The following TTLL5 variants were observed in gnomAD, a reference collection of about 807,000 sequenced individuals.
TTLL5 encodes the protein tubulin polyglutamylase TTLL5.
In TTLL5, 132 loss-of-function variants were observed where a neutral mutation model predicts 168.4. The observed-to-expected ratio is 0.78, with a 90% CI of 0.68 to 0.91. The LOEUF (loss-of-function observed/expected upper bound fraction) is 0.91. Among genes scored for constraint, TTLL5 ranks in the 40% least tolerant of loss-of-function variants. The pLI, the probability that TTLL5 is intolerant of heterozygous loss-of-function variation, is 0.00. For missense variants in TTLL5, 1,545 were observed against 1,581.5 expected (o/e 0.98, Z 0.39); for synonymous variants, 546 against 558.6 (o/e 0.98, Z 0.32).
intron 5 of TTLL5, chr14:75,685,059 G>A (rs1274269267): frequency 6.6e-6 from 1 of 152,148 alleles, no homozygotes; most frequent in Admixed American, 6.5e-5. Flanking sequence ...GAATCTTGAT[G>A]TTGTTTAGGT....
intron 2 of TTLL5, among the ~76,000 whole-genome samples, chr14:75,663,978 G>C (rs1337145238): frequency 6.6e-6 from 1 of 151,972 alleles, no homozygotes; most frequent in Non-Finnish European, 1.5e-5. Flanking sequence ...CAGCTACTCG[G>C]GAGGCTGAGA....
chr14:75,747,173 A>G (rs1381795881), intron 17 of TTLL5, among the ~76,000 whole-genome samples: 3 of 151,648 alleles, frequency 2.0e-5, no homozygotes, highest in East Asian at 1.9e-4. Context: ...GTGTGTCTCT[A>G]AGGTCATTCA....
At chr14:75,944,432 G>A (rs764842064) in intron 31 of TTLL5, among the ~76,000 whole-genome samples, 28 of 152,126 alleles carry the variant, frequency 1.8e-4, no homozygotes, top group Admixed American at 6.6e-5. Context: ...GGGCCTGGCT[G>A]GATCCCACTT....
At chr14:75,715,600 A>G (rs1325046457) in intron 9 of TTLL5, among the ~76,000 whole-genome samples, 1 of 152,138 alleles carries the variant, frequency 6.6e-6, no homozygotes, top group African/African-American at 2.4e-5. Context: ...TATGTTCCCC[A>G]CTAGACTGAG....
intron 31 of TTLL5, among the ~76,000 whole-genome samples, chr14:75,947,095 C>T (rs2034798876): frequency 6.6e-6 from 1 of 152,146 alleles, no homozygotes; most frequent in African/African-American, 2.4e-5. Context: ...TGGTAGCCAT[C>T]AAGGAATTCT....
rs572257359 is a variant in TTLL5 at position 75,953,414 on chromosome 14, G to C, written c.3824-1010G>C. On this transcript the variant is annotated intron_variant, in intron 31 of 31. Coordinates refer to ENST00000298832, the MANE Select transcript of TTLL5 (RefSeq NM_015072.5). ...GTGTATACCCAAAGAAATTCTACCA[G>C]TAGTATACTGAGATTGCATGTGTAA... Among the ~76,000 whole-genome samples the C allele has an allele frequency of 3.3e-5, 5 of 152,268 alleles. No individual in the cohort carries two copies. In the South Asian group the frequency reaches 1.0e-3, roughly 32 times the overall value.
intron 9 of TTLL5, among the ~76,000 whole-genome samples, chr14:75,717,301 G>C (rs1287605764): frequency 6.6e-6 from 1 of 151,998 alleles, no homozygotes; most frequent in Admixed American, 6.6e-5. Context: ...TTTTTGTAGA[G>C]ATAGGGTCTT....
chr14:75,735,938 T>C (rs968278624), intron 15 of TTLL5, among the ~76,000 whole-genome samples: 1 of 152,216 alleles, frequency 6.6e-6, no homozygotes, highest in Non-Finnish European at 1.5e-5. Context: ...CTTTTGTTTC[T>C]TGGCCTTTAA....
At chr14:75,816,974 A>ATTTTTTTTTTTTT (rs35736530) in intron 27 of TTLL5, among the ~76,000 whole-genome samples, 1 of 96,086 alleles carries the variant, frequency 1.0e-5, no homozygotes. Flanking sequence ...TCCCTGTCTT[A>ATTTTTTTTTTTTT]TTTTTTTTTT....
intron 13 of TTLL5, among the ~76,000 whole-genome samples, chr14:75,733,196 G>A (rs1375970120): frequency 6.6e-6 from 1 of 151,880 alleles, no homozygotes; most frequent in African/African-American, 2.4e-5. Context: ...AGATGCTTCA[G>A]ATGTTATGCA....
chr14:75,744,550 C>T (rs1023570896), intron 15 of TTLL5: 1 of 152,608 alleles, frequency 6.6e-6, no homozygotes, highest in Admixed American at 6.5e-5. Context: ...CAGCTCTTTT[C>T]TGTGTTACTG....
intron 21 of TTLL5, 98 bp from the exon 22 acceptor site, chr14:75,775,386 C>A: frequency 7.4e-7 from 1 of 1,350,456 alleles, no homozygotes; most frequent in Non-Finnish European, 1.0e-6. Flanking sequence ...TAATATATGT[C>A]TTCTTCCATC....
At chr14:75,908,136 G>T (rs1017646725) in intron 31 of TTLL5, among the ~76,000 whole-genome samples, 2 of 152,232 alleles carry the variant, frequency 1.3e-5, no homozygotes, top group African/African-American at 4.8e-5. Context: ...CTGTGTATAA[G>T]CGAGGGATGA....
chr14:75,661,840 C>T (rs566522670), intron 1 of TTLL5, among the ~76,000 whole-genome samples: 1 of 151,850 alleles, frequency 6.6e-6, no homozygotes, highest in Admixed American at 6.5e-5. Context: ...CCTATTGCGC[C>T]GAAGATCTTT....
At chr14:75,889,416 G>T (rs1246161315) in intron 30 of TTLL5, among the ~76,000 whole-genome samples, 2 of 152,294 alleles carry the variant, frequency 1.3e-5, no homozygotes, top group East Asian at 1.9e-4. Flanking sequence ...ACATAACTTT[G>T]TGCCCTACAG....
At chr14:75,868,124 A>G (rs1033589088) in intron 29 of TTLL5, among the ~76,000 whole-genome samples, 7 of 152,156 alleles carry the variant, frequency 4.6e-5, no homozygotes, top group Admixed American at 4.6e-4. Flanking sequence ...ATTACTCAGT[A>G]GTTTCTGTTA....
chr14:75,902,403 C>T (rs1595237881), intron 31 of TTLL5, 179 bp downstream of exon 31: 1 of 706,910 alleles, frequency 1.4e-6, no homozygotes, highest in East Asian at 2.7e-5. Context: ...TCTTGGCAGC[C>T]TAAAATAGGC....
intron 31 of TTLL5, among the ~76,000 whole-genome samples, chr14:75,914,954 A>G (rs2033562068): frequency 6.6e-6 from 1 of 152,210 alleles, no homozygotes; most frequent in South Asian, 2.1e-4. Flanking sequence ...AACATCTGCT[A>G]CACATTCCCA....
At chr14:75,713,111 T>C (rs1190827522) in intron 9 of TTLL5, among the ~76,000 whole-genome samples, 1 of 152,252 alleles carries the variant, frequency 6.6e-6, no homozygotes, top group African/African-American at 2.4e-5. Context: ...GTGTAAATTT[T>C]GGTCTACATT....
Sources: allele counts gnomAD v4.1 joint callset (sites outside exome capture counted in the v4.1 genomes callset), GRCh38; gene constraint gnomAD v4.1.1; transcripts MANE v1.5; gene names NCBI Gene and HGNC (gene_info 2026-07-23, HGNC 2026-07-21).